GRM7: variants seen among roughly 807,000 people sequenced by gnomAD.
GRM7 encodes the protein metabotropic glutamate receptor 7.
A neutral mutation model predicts 84.5 loss-of-function variants in GRM7; 35 were observed. That is an observed-to-expected ratio of 0.41 (90% CI 0.32 to 0.55). GRM7 has a LOEUF of 0.55. GRM7 is among the 20% of genes least tolerant of loss of function. The probability of loss-of-function intolerance (pLI) is 0.19; values close to 1 mark genes in which losing one functional copy is unlikely to be tolerated. For synonymous variants in GRM7, 487 were observed against 455.1 expected, an observed-to-expected ratio of 1.07 and a Z score of -0.89; for missense variants, 1,003 against 1,194.6, an observed-to-expected ratio of 0.84 and a Z score of 2.36.
intron 2 of GRM7, among the ~76,000 whole-genome samples, chr3:7,288,492 G>A (rs7609608): frequency 0.49 from 74,867 of 151,868 alleles, 18,996 homozygotes; most frequent in African/African-American, 0.62. Flanking sequence ...CTGGTCCTGC[G>A]TTTGGCTCTG....
chr3:7,291,687 CTT>C (rs1699634010), intron 2 of GRM7, among the ~76,000 whole-genome samples: 1 of 152,172 alleles, frequency 6.6e-6, no homozygotes, highest in Non-Finnish European at 1.5e-5. Context: ...GGGAAACACA[CTT>C]GACCCCTTTT....
chr3:7,292,729 A>T (rs1171982671), intron 2 of GRM7, among the ~76,000 whole-genome samples: 64 of 148,100 alleles, frequency 4.3e-4, no homozygotes, highest in Middle Eastern at 3.4e-3. Flanking sequence ...TTTTTTTTAA[A>T]AAAAAAAACA....
chr3:6,951,200 A>G (rs1207662267), intron 1 of GRM7, among the ~76,000 whole-genome samples: 3 of 152,200 alleles, frequency 2.0e-5, no homozygotes, highest in Non-Finnish European at 1.5e-5. Flanking sequence ...CAGTCTGACT[A>G]GAAGTTTACG....
intron 8 of GRM7, among the ~76,000 whole-genome samples, chr3:7,582,606 T>A (rs1459838387): frequency 6.6e-6 from 1 of 152,096 alleles, no homozygotes; most frequent in Non-Finnish European, 1.5e-5. Flanking sequence ...GAAAGAATTG[T>A]GTCCTCTAAA....
intron 1 of GRM7, among the ~76,000 whole-genome samples, chr3:7,088,729 G>A (rs561497463): frequency 6.7e-5 from 7 of 104,888 alleles, no homozygotes; most frequent in African/African-American, 2.9e-4. Context: ...GAGTTGGAAC[G>A]GCAGGGGTAA....
chr3:7,015,649 G>A (rs1386907320), intron 1 of GRM7, among the ~76,000 whole-genome samples: 1 of 152,194 alleles, frequency 6.6e-6, no homozygotes, highest in Admixed American at 6.5e-5. Flanking sequence ...GGGCTGTAGC[G>A]ATTTTCAGGC....
intron 1 of GRM7, among the ~76,000 whole-genome samples, chr3:7,082,550 T>C (rs1407139715): frequency 1.3e-5 from 2 of 152,132 alleles, no homozygotes; most frequent in African/African-American, 4.8e-5. Context: ...AGGAGTAATT[T>C]TGACTTTCCA....
chr3:7,367,753 T>C (rs116579934), intron 4 of GRM7, among the ~76,000 whole-genome samples: 3 of 151,946 alleles, frequency 2.0e-5, no homozygotes, highest in Non-Finnish European at 4.4e-5. Flanking sequence ...GTACTGACCA[T>C]TGAAAAATGT....
chr3:7,078,853 G>GT (rs34321853), intron 1 of GRM7, among the ~76,000 whole-genome samples: 38,766 of 142,826 alleles, frequency 0.27, 5,771 homozygotes, highest in African/African-American at 0.41. Flanking sequence ...CTCTGAGTTT[G>GT]TTTTTTTTTT....
rs1025456753 is a variant in GRM7 at position 7,442,471 on chromosome 3, C to G, written c.1175-10136C>G. On this transcript the variant is annotated intron_variant, in intron 5 of 9. Transcript: ENST00000357716. ...TGTTTCTTTCTCTTGCCTGACTGCTCTAACTAGAACTTGCGATTATGACTT... is the reference window on the plus strand; with the variant it reads ...TGTTTCTTTCTCTTGCCTGACTGCTGTAACTAGAACTTGCGATTATGACTT... 2.0e-5 allele frequency among the ~76,000 whole-genome samples: 3 copies of G among 151,318 alleles called. No homozygotes were observed. In the East Asian group the frequency reaches 5.9e-4, roughly 30 times the overall value.
chr3:7,136,277 C>A (rs1287165584), intron 1 of GRM7, among the ~76,000 whole-genome samples: 1 of 151,568 alleles, frequency 6.6e-6, no homozygotes, highest in Non-Finnish European at 1.5e-5. Flanking sequence ...CTATGTGGGC[C>A]TGGCAGCCTG....
intron 7 of GRM7, among the ~76,000 whole-genome samples, chr3:7,550,903 A>G (rs1449228152): frequency 6.6e-6 from 1 of 152,102 alleles, no homozygotes; most frequent in Non-Finnish European, 1.5e-5. Context: ...CTCCTACTCA[A>G]TAAAATGTGG....
At chr3:7,218,888 C>T (rs1280911112) in intron 2 of GRM7, among the ~76,000 whole-genome samples, 1 of 151,958 alleles carries the variant, frequency 6.6e-6, no homozygotes, top group East Asian at 1.9e-4. Flanking sequence ...TTTTGGGGTA[C>T]AAGTAGTTTG....
intron 8 of GRM7, among the ~76,000 whole-genome samples, chr3:7,628,925 T>A (rs1697743345): frequency 6.6e-6 from 1 of 152,184 alleles, no homozygotes; most frequent in South Asian, 2.1e-4. Context: ...GTGGTCCTCA[T>A]TGTTTTTGTT....
intron 1 of GRM7, among the ~76,000 whole-genome samples, chr3:6,876,311 G>C (rs1048081890): frequency 1.3e-5 from 2 of 152,058 alleles, no homozygotes; most frequent in Non-Finnish European, 2.9e-5. Context: ...GGGCCACTGG[G>C]TAGGAGTCAG....
At chr3:7,608,495 CATATGCTTGTT>C (rs1436130785) in intron 8 of GRM7, among the ~76,000 whole-genome samples, 6 of 152,010 alleles carry the variant, frequency 3.9e-5, no homozygotes, top group African/African-American at 1.4e-4. Context: ...AGCTTTTTTT[CATATGCTTGTT>C]GGTTGTATTT....
At chr3:7,276,245 G>A (rs1364373565) in intron 2 of GRM7, among the ~76,000 whole-genome samples, 2 of 149,252 alleles carry the variant, frequency 1.3e-5, no homozygotes, top group African/African-American at 2.5e-5. Context: ...GTGTGTGTGT[G>A]TGTGTATATA....
intron 4 of GRM7, among the ~76,000 whole-genome samples, chr3:7,349,296 A>G (rs1326684750): frequency 6.6e-6 from 1 of 152,158 alleles, no homozygotes; most frequent in Non-Finnish European, 1.5e-5. Context: ...TGGCCACTGC[A>G]AACTTTCCAT....
chr3:7,650,647 C>T (rs1356512772), intron 8 of GRM7, among the ~76,000 whole-genome samples: 3 of 152,132 alleles, frequency 2.0e-5, no homozygotes, highest in Non-Finnish European at 4.4e-5. Context: ...TCCTTTCTGT[C>T]TACAGAGGGC....
Sources: gnomAD v4.1 joint callset for allele counts (sites outside exome capture counted in the v4.1 genomes callset) on GRCh38, gnomAD v4.1.1 for gene constraint, MANE v1.5 for transcripts, NCBI Gene and HGNC (gene_info 2026-07-23, HGNC 2026-07-21) for gene names.